Variants in MTHFD2 observed in about 807,000 individuals in gnomAD.
MTHFD2 encodes bifunctional methylenetetrahydrofolate dehydrogenase/cyclohydrolase, mitochondrial.
Under a neutral mutation model 36.8 loss-of-function variants are expected in MTHFD2, and 26 were observed. The ratio of observed to expected loss-of-function variants is 0.71; its 90% CI spans 0.52 to 0.98. The LOEUF is 0.98. Among genes scored for constraint, MTHFD2 ranks in the 50% least tolerant of loss-of-function variants. The pLI is 0.00. For missense variants in MTHFD2, 373 were observed against 434.0 expected, an observed-to-expected ratio of 0.86 and a Z score of 1.25; for synonymous variants, 164 against 155.2, an observed-to-expected ratio of 1.06 and a Z score of -0.42.
chr2:74,203,978 A>G (rs1694119579), intron 1 of MTHFD2, among the ~76,000 whole-genome samples: 1 of 151,756 alleles, frequency 6.6e-6, no homozygotes, highest in African/African-American at 2.4e-5. Context: ...CAGTGGGGTG[A>G]TATCAGCTCA....
chr2:74,198,831 A>G, intron 1 of MTHFD2, 89 bp downstream of exon 1: 1 of 1,244,042 alleles, frequency 8.0e-7, no homozygotes, highest in Non-Finnish European at 1.1e-6. Flanking sequence ...ACACCGAGGG[A>G]AGTCCTTCCC....
In MTHFD2 at chr2:74,211,073, C is replaced by G. The variant is rs190950610; in HGVS notation, c.671-126C>G. On this transcript the variant is annotated intron_variant, in intron 5 of 7. Coordinates refer to ENST00000394053, the MANE Select transcript of MTHFD2 (RefSeq NM_006636.4). ...GTGCTGGGATTACAGGCGTGAGCCACTGCACCTGGCCGTAAGTCAATTATT... is the reference window on the plus strand; with the variant it reads ...GTGCTGGGATTACAGGCGTGAGCCAGTGCACCTGGCCGTAAGTCAATTATT... 1.4e-5 allele frequency: 9 copies of G among 632,924 alleles called. No individual in the cohort carries two copies. The Admixed American group carries it at 2.2e-4, about 15-fold the overall frequency. The allele number at this position is 632,924 out of a possible 1,614,324, so 39.2% of individuals were successfully genotyped here. A position where few individuals can be genotyped will look rare whatever the true frequency, so the allele number is the denominator to read the frequency against.
At chr2:74,202,287 G>A (rs1469543945) in intron 1 of MTHFD2, among the ~76,000 whole-genome samples, 1 of 152,028 alleles carries the variant, frequency 6.6e-6, no homozygotes, top group Non-Finnish European at 1.5e-5. Flanking sequence ...AGAGAAAAGA[G>A]TAAGAAATTA....
intron 4 of MTHFD2, among the ~76,000 whole-genome samples, chr2:74,209,730 T>C (rs1694263949): frequency 6.6e-6 from 1 of 152,048 alleles, no homozygotes; most frequent in African/African-American, 2.4e-5. Context: ...TGAAGGAAAT[T>C]TAAGATTTGA....
chr2:74,207,812 A>G lies in MTHFD2; in HGVS notation c.395A>G (p.Gln132Arg). ...GATAATGTAGATGGCCTCCTTGTTC[A>G]GTTGCCTCTTCCAGGTGAGTTTTGG... ...NDDNVDGLLVQLPLPEHIDER... is the reference protein window; with the variant it reads ...NDDNVDGLLVRLPLPEHIDER... The change falls in exon 3 of 8, where the codon CAG (glutamine) becomes CGG (arginine). Residue 132 changes from glutamine (Q) to arginine (R), a missense_variant. Transcript: ENST00000394053. 1 of 1,579,068 alleles carries G rather than the reference A, an allele frequency of 6.3e-7. No individual in the cohort carries two copies. The highest frequency in any genetic ancestry group is 1.1e-5 in the South Asian group (1 of 88,220).
chr2:74,211,944 CTT>C (rs71406866), intron 7 of MTHFD2, 78 bp downstream of exon 7: 13,023 of 456,696 alleles, frequency 0.029, no homozygotes, highest in South Asian at 0.059. Context: ...AGATTATTTA[CTT>C]TTTTTTTTTT....
intron 1 of MTHFD2, among the ~76,000 whole-genome samples, chr2:74,202,785 C>T (rs1260064409): frequency 6.6e-6 from 1 of 152,048 alleles, no homozygotes; most frequent in Admixed American, 6.6e-5. Flanking sequence ...CTTGGCTTCC[C>T]GAAGTGTTGG....
chr2:74,208,176 T>C (rs1265343944), intron 3 of MTHFD2, among the ~76,000 whole-genome samples: 1 of 152,200 alleles, frequency 6.6e-6, no homozygotes, highest in East Asian at 1.9e-4. Flanking sequence ...TGAACTACCA[T>C]GCCCTACCTA....
In MTHFD2 at chr2:74,207,636, G is replaced by A. The variant is rs1376473123; in HGVS notation, c.287-68G>A. The A allele has an allele frequency of 6.9e-6, 10 of 1,441,136 alleles. 1 individual carries two copies. The highest frequency in any genetic ancestry group is 1.9e-5 in the Admixed American group (1 of 52,560). The allele number at this position is 1,441,136 out of a possible 1,614,324, so 89.3% of individuals were successfully genotyped here. A position where few individuals can be genotyped will look rare whatever the true frequency, so the allele number is the denominator to read the frequency against. On this transcript the variant is annotated intron_variant, in intron 2 of 7. Coordinates refer to ENST00000394053, the MANE Select transcript of MTHFD2 (RefSeq NM_006636.4). ...AAAACCCGTATGGTAGCCAAGTATG[G>A]TAGGCAACATAGCAGTGCTCATTAA...
At chr2:74,212,034 C>T (rs568877471) in intron 7 of MTHFD2, among the ~76,000 whole-genome samples, 168 bp downstream of exon 7, 384 of 146,278 alleles carry the variant, frequency 2.6e-3, no homozygotes, top group African/African-American at 8.9e-3. Flanking sequence ...ACTGCAACCT[C>T]TGCCTCCTGG....
chr2:74,204,249 A>G (rs1694126990), intron 1 of MTHFD2, among the ~76,000 whole-genome samples: 1 of 152,102 alleles, frequency 6.6e-6, no homozygotes, highest in Non-Finnish European at 1.5e-5. Flanking sequence ...ACTTTACTGT[A>G]AGGACATGTG....
At chr2:74,203,890 A>AGTTTAGTTTAGTTTAGTTTAG in intron 1 of MTHFD2, among the ~76,000 whole-genome samples, 1 of 29,228 alleles carries the variant, frequency 3.4e-5, no homozygotes, top group South Asian at 5.5e-4. Flanking sequence ...AGTTTAGTTT[A>AGTTTAGTTTAGTTTAGTTTAG]GTTTAGTTTA....
At chr2:74,201,736 C>G (rs1394735963) in intron 1 of MTHFD2, among the ~76,000 whole-genome samples, 1 of 152,204 alleles carries the variant, frequency 6.6e-6, no homozygotes, top group Non-Finnish European at 1.5e-5. Context: ...TGGGACTTAG[C>G]TGACTCTCCA....
intron 7 of MTHFD2, 41 bp from the exon 8 acceptor site, chr2:74,214,038 T>C: frequency 6.3e-7 from 1 of 1,594,664 alleles, no homozygotes; most frequent in Non-Finnish European, 8.5e-7. Flanking sequence ...ACATGTCCTT[T>C]GCCATAACTA....
intron 4 of MTHFD2, 129 bp from the exon 5 acceptor site, chr2:74,209,813 T>C (rs750599934): frequency 3.3e-6 from 2 of 600,608 alleles, no homozygotes; most frequent in African/African-American, 3.8e-5. Flanking sequence ...CTTTTAGCCC[T>C]TATTATGTGT....
Position 74,215,441 on chromosome 2 carries a change from G to A in MTHFD2, c.*1199G>A, listed in dbSNP as rs76087452. ...TTCTTCTATTTTTTTTTTTTTTTTT[G>A]TAGAGATGGGGTCTTGCTATGTTGC... On this transcript the variant is annotated 3_prime_UTR_variant, in exon 8 of 8. Transcript: ENST00000394053. 3.0e-5 allele frequency: 1 copy of A among 33,312 alleles called. No homozygotes were observed. The highest frequency in any genetic ancestry group is 6.0e-5 in the Non-Finnish European group (1 of 16,786). 2.1% of individuals were successfully genotyped at this position (33,312 alleles called of 1,614,324 possible).
intron 7 of MTHFD2, among the ~76,000 whole-genome samples, chr2:74,212,799 T>G (rs1479369297): frequency 6.6e-6 from 1 of 152,190 alleles, no homozygotes; most frequent in Admixed American, 6.5e-5. Flanking sequence ...TGTTAGAGAT[T>G]TCTCATTTTC....
In MTHFD2 at chr2:74,211,442, T is replaced by C. The variant is rs987916136; in HGVS notation, c.763+151T>C. 3 of 590,632 alleles carry C rather than the reference T, an allele frequency of 5.1e-6. No individual in the cohort carries two copies. The African/African-American group carries it at 5.6e-5, about 11-fold the overall frequency. The allele number at this position is 590,632 out of a possible 1,614,324, so 36.6% of individuals were successfully genotyped here. ...TACAAAGATGAGGATAGAGTTGTGA[T>C]TGGAATACCGGTTTCTGGCAGTCCA... On this transcript the variant is annotated intron_variant, in intron 6 of 7. Transcript: ENST00000394053.
chr2:74,198,686 G>C lies in MTHFD2; in HGVS notation c.45G>C (p.Leu15=), dbSNP rs1204078395. ...SLMSALAARL[L]QPAHSCSLRL... ...TGTCTGCTTTGGCTGCCCGGCTGCT[G>C]CAGCCCGCGCACAGCTGCTCCCTTC... The change falls in exon 1 of 8, where the codon CTG becomes CTC. Residue 15 remains leucine, a synonymous_variant. Coordinates refer to ENST00000394053, the MANE Select transcript of MTHFD2 (RefSeq NM_006636.4). The C allele has an allele frequency of 6.2e-7, 1 of 1,611,288 alleles. No homozygotes were observed. Among genetic ancestry groups the C allele is most frequent in the Non-Finnish European group, 8.5e-7 (1 of 1,179,060 alleles).
Sources: gnomAD v4.1 joint callset for allele counts (sites outside exome capture counted in the v4.1 genomes callset) on GRCh38, gnomAD v4.1.1 for gene constraint, MANE v1.5 for transcripts, NCBI Gene and HGNC (gene_info 2026-07-23, HGNC 2026-07-21) for gene names.